ANGPT2: variants seen among roughly 807,000 people sequenced by gnomAD.
The protein encoded by ANGPT2 is angiopoietin-2.
Under a neutral mutation model 62.9 loss-of-function variants are expected in ANGPT2, and 28 were observed. That is an observed-to-expected ratio of 0.44 (90% CI 0.33 to 0.61). The LOEUF (loss-of-function observed/expected upper bound fraction) is 0.61, where lower values mean the gene tolerates loss of function less well. Ranked by LOEUF, ANGPT2 falls within the 20% of genes least tolerant of loss-of-function variation. ANGPT2 has a pLI of 0.03. For missense variants in ANGPT2, 727 were observed against 594.9 expected (o/e 1.22, Z -2.31); for synonymous variants, 284 against 207.8 (o/e 1.37, Z -3.15).
intron 7 of ANGPT2, 93 bp from the exon 8 acceptor site, chr8:6,509,155 A>G (rs548426631): frequency 1.1e-5 from 17 of 1,503,098 alleles, no homozygotes; most frequent in Non-Finnish European, 1.4e-5. Context: ...CATTCTACAG[A>G]AGCGTGTTCT....
chr8:6,528,149 G>A (rs548414924), intron 2 of ANGPT2, among the ~76,000 whole-genome samples: 5 of 152,068 alleles, frequency 3.3e-5, no homozygotes, highest in African/African-American at 7.2e-5. Flanking sequence ...CACCTGCCTC[G>A]GCCTCCCATA....
intron 7 of ANGPT2, among the ~76,000 whole-genome samples, chr8:6,512,690 A>G (rs1355199510): frequency 6.6e-6 from 1 of 152,258 alleles, no homozygotes; most frequent in Non-Finnish European, 1.5e-5. Context: ...CTTGCACACT[A>G]GGTTGTCAAG....
In ANGPT2 at chr8:6,502,476, G is replaced by T. The variant is rs1812381835; in HGVS notation, c.*625C>A. The T allele has an allele frequency of 6.6e-6, 1 of 152,162 alleles. No homozygotes were observed. Among genetic ancestry groups the T allele is most frequent in the African/African-American group, 2.4e-5 (1 of 41,438 alleles). The allele number at this position is 152,162 out of a possible 1,614,324, so 9.4% of individuals were successfully genotyped here. ...TATTTGAGCATTAACTTATAACTAA[G>T]CTGTCAACATAAATGTAAATACGCT... On this transcript the variant is annotated 3_prime_UTR_variant, in exon 9 of 9. Coordinates refer to ENST00000629816, the MANE Select transcript of ANGPT2 (RefSeq NM_001118887.2).
At chr8:6,530,483 T>C (rs887427888) in intron 2 of ANGPT2, among the ~76,000 whole-genome samples, 2 of 129,784 alleles carry the variant, frequency 1.5e-5, no homozygotes, top group African/African-American at 5.9e-5. Context: ...CACTCCAACC[T>C]GGGCAATGCA....
At chr8:6,558,411 T>C (rs923666771) in intron 1 of ANGPT2, among the ~76,000 whole-genome samples, 2 of 152,250 alleles carry the variant, frequency 1.3e-5, no homozygotes, top group African/African-American at 2.4e-5. Context: ...TGATTTGAAC[T>C]CTTGTTTTTC....
chr8:6,508,620 C>T (rs1041744892), intron 8 of ANGPT2: 2 of 480,042 alleles, frequency 4.2e-6, no homozygotes, highest in East Asian at 3.3e-5. Context: ...GTAATTAAAC[C>T]ATCTCTCTAG....
chr8:6,547,890 T>A (rs1028852805), intron 1 of ANGPT2, among the ~76,000 whole-genome samples: 3 of 152,008 alleles, frequency 2.0e-5, no homozygotes, highest in African/African-American at 7.2e-5. Context: ...CCCCCATTTT[T>A]TTTTTTTTTT....
rs1175538487 is a variant in ANGPT2 at position 6,513,731 on chromosome 8, C to A, written c.1143G>T (p.Glu381Asp). The change falls in exon 7 of 9, where the codon GAG becomes GAT. Residue 381 changes from glutamate (E) to aspartate (D), a missense_variant. Transcript: ENST00000629816. ...AGAAATGTTCATACAATGAGTAAGC[C>A]TCATTCCCTTCCCAGTCTTTAAGGT... is the stretch of plus-strand genomic sequence containing the variant. ...KIHLKDWEGN[E>D]AYSLYEHFYL... is the part of the protein sequence containing the mutation. 3 of 1,613,888 alleles carry A rather than the reference C, an allele frequency of 1.9e-6. No individual in the cohort carries two copies. The highest frequency in any genetic ancestry group is 2.5e-6 in the Non-Finnish European group (3 of 1,179,970).
chr8:6,507,231 A>G (rs988007346), intron 8 of ANGPT2, among the ~76,000 whole-genome samples: 15 of 152,148 alleles, frequency 9.9e-5, no homozygotes, highest in African/African-American at 3.4e-4. Context: ...AATGCATCAT[A>G]ACTTGGGTCA....
intron 1 of ANGPT2, among the ~76,000 whole-genome samples, chr8:6,542,947 G>A (rs1224885780): frequency 6.6e-6 from 1 of 152,220 alleles, no homozygotes; most frequent in African/African-American, 2.4e-5. Flanking sequence ...AGTTTTTGCT[G>A]TCCTTTATAA....
At chr8:6,510,648 A>G (rs1318781342) in intron 7 of ANGPT2, among the ~76,000 whole-genome samples, 1 of 152,062 alleles carries the variant, frequency 6.6e-6, no homozygotes, top group Admixed American at 6.6e-5. Flanking sequence ...CCGAGGTCAG[A>G]CTCTTAAGTC....
chr8:6,503,284 G>A (rs1365121038), intron 8 of ANGPT2, 23 bp from the exon 9 acceptor site: 8 of 1,613,652 alleles, frequency 5.0e-6, no homozygotes, highest in Non-Finnish European at 6.8e-6. Context: ...AACACAGAAG[G>A]AATTAGGAAC....
At chr8:6,503,429 C>G (rs1186506693) in intron 8 of ANGPT2, among the ~76,000 whole-genome samples, 168 bp from the exon 9 acceptor site, 1 of 152,170 alleles carries the variant, frequency 6.6e-6, no homozygotes, top group Admixed American at 6.5e-5. Flanking sequence ...TGTTTTCCAG[C>G]CATACACCCA....
At chr8:6,554,982 G>A (rs1463520470) in intron 1 of ANGPT2, among the ~76,000 whole-genome samples, 1 of 152,126 alleles carries the variant, frequency 6.6e-6, no homozygotes, top group Non-Finnish European at 1.5e-5. Context: ...TAGTCGGATG[G>A]CACACCTGAC....
chr8:6,553,430 G>C (rs965701603), intron 1 of ANGPT2, among the ~76,000 whole-genome samples: 2 of 152,144 alleles, frequency 1.3e-5, no homozygotes. Flanking sequence ...AGCACACCGG[G>C]AGAATAACTT....
Position 6,521,179 on chromosome 8 carries a change from G to A in ANGPT2, c.798C>T (p.Asn266=), listed in dbSNP as rs540301414. The A allele has an allele frequency of 2.5e-6, 4 of 1,611,016 alleles. No homozygotes were observed. The South Asian group carries it at 3.3e-5, about 13-fold the overall frequency. Residue 266 remains asparagine (N), a splice_region_variant and synonymous_variant, in exon 4 of 9, where the codon AAC becomes AAT. Transcript: ENST00000629816. ...AGAAAGCATGATATGTAAACTTACA[G>A]TTTGATGTGGACATCATAGTCAGTA... ...NNLLTMMSTS[N]SKDPTVAKEE...
At chr8:6,546,427 C>A (rs2129574476) in intron 1 of ANGPT2, among the ~76,000 whole-genome samples, 1 of 152,296 alleles carries the variant, frequency 6.6e-6, no homozygotes, top group South Asian at 2.1e-4. Context: ...GCGTAAAATG[C>A]AGGTGGCAGT....
At chr8:6,543,343 G>C (rs941703991) in intron 1 of ANGPT2, among the ~76,000 whole-genome samples, 1 of 152,142 alleles carries the variant, frequency 6.6e-6, no homozygotes, top group African/African-American at 2.4e-5. Flanking sequence ...ATGGGTGATG[G>C]CTCTCCAACG....
rs1563305296 is a variant in ANGPT2 at position 6,505,263 on chromosome 8, T to C, written c.1328-2002A>G. On this transcript the variant is annotated intron_variant, in intron 8 of 8. Transcript: ENST00000629816. Reference sequence around the variant, plus strand: ...GAATATATATTCTTTATATATGTTTTATATATATGTATACATATATATGTT... The same window carrying C: ...GAATATATATTCTTTATATATGTTTCATATATATGTATACATATATATGTT... Among the ~76,000 whole-genome samples the C allele has an allele frequency of 1.7e-3, 129 of 77,966 alleles. 16 individuals carry two copies. Among genetic ancestry groups the C allele is most frequent in the African/African-American group, 5.5e-3 (120 of 21,650 alleles). The allele number at this position is 77,966 out of a possible 152,430, so 51.1% of individuals were successfully genotyped here.
Sources: gnomAD v4.1 joint callset for allele counts (sites outside exome capture counted in the v4.1 genomes callset) on GRCh38, gnomAD v4.1.1 for gene constraint, MANE v1.5 for transcripts, NCBI Gene and HGNC (gene_info 2026-07-23, HGNC 2026-07-21) for gene names.